The following TBCE variants were observed in gnomAD, a reference collection of about 807,000 sequenced individuals.
TBCE encodes tubulin folding cofactor E.
TBCE carries 53 observed loss-of-function variants against 77.0 expected under a neutral mutation model. The ratio of observed to expected loss-of-function variants is 0.69; its 90% CI spans 0.55 to 0.87. The LOEUF (loss-of-function observed/expected upper bound fraction) is 0.87, where lower values mean the gene tolerates loss of function less well. Among genes scored for constraint, TBCE ranks in the 40% least tolerant of loss-of-function variants. The probability of loss-of-function intolerance (pLI) is 0.00; values close to 1 mark genes in which losing one functional copy is unlikely to be tolerated. For missense variants in TBCE, 624 were observed against 622.4 expected, an observed-to-expected ratio of 1.00 and a Z score of -0.03; for synonymous variants, 235 against 241.3, an observed-to-expected ratio of 0.97 and a Z score of 0.24.
chr1:235,416,879 A>C (rs1202593706), intron 4 of TBCE, among the ~76,000 whole-genome samples: 1 of 152,204 alleles, frequency 6.6e-6, no homozygotes, highest in Non-Finnish European at 1.5e-5. Context: ...TTCAGCCGCC[A>C]GCTAAGGCAC....
chr1:235,378,059 AT>A (rs1381498612), intron 1 of TBCE, among the ~76,000 whole-genome samples: 1 of 152,182 alleles, frequency 6.6e-6, no homozygotes, highest in African/African-American at 2.4e-5. Context: ...TCAGTAATGT[AT>A]TCTAACCCCA....
chr1:235,431,729 G>A (rs1166563076), intron 7 of TBCE, among the ~76,000 whole-genome samples: 3 of 141,772 alleles, frequency 2.1e-5, no homozygotes, highest in African/African-American at 8.0e-5. Flanking sequence ...GTGGAGTGCA[G>A]TGGCGCAATC....
intron 1 of TBCE, among the ~76,000 whole-genome samples, chr1:235,370,000 C>A (rs1428604563): frequency 4.6e-5 from 7 of 152,182 alleles, no homozygotes; most frequent in African/African-American, 1.7e-4. Context: ...CTTGCTATTC[C>A]TTTCCCTCAT....
intron 2 of TBCE, among the ~76,000 whole-genome samples, chr1:235,389,502 A>G (rs1355530348): frequency 1.3e-5 from 2 of 151,928 alleles, no homozygotes; most frequent in African/African-American, 4.8e-5. Flanking sequence ...TAATTTTTGC[A>G]TGGTTTTTTT....
chr1:235,449,038 T>TTAAATAGAAAGAAACTAGC lies in TBCE; in HGVS notation c.*279_*297dup. ...TGCATTTCATGATAAGATTTAAATATTAAATAGAAAGAAACTAGCTAGCCT... is the reference window on the plus strand; with the variant it reads ...TGCATTTCATGATAAGATTTAAATATTAAATAGAAAGAAACTAGCTAAATAGAAAGAAACTAGCTAGCCT... On this transcript the variant is annotated 3_prime_UTR_variant, in exon 17 of 17. Transcript: ENST00000642610. 1 of 354,432 alleles carries TTAAATAGAAAGAAACTAGC rather than the reference T, an allele frequency of 2.8e-6. No individual in the cohort carries two copies. The highest frequency in any genetic ancestry group is 7.0e-5 in the East Asian group (1 of 14,336). The allele number at this position is 354,432 out of a possible 1,614,324, so 22.0% of individuals were successfully genotyped here. A position where few individuals can be genotyped will look rare whatever the true frequency, so the allele number is the denominator to read the frequency against.
Position 235,450,530 on chromosome 1 carries a change from A to G in TBCE, c.*1768A>G. The G allele has an allele frequency of 1.7e-6, 1 of 600,392 alleles. No individual in the cohort carries two copies. The highest frequency in any genetic ancestry group is 2.9e-6 in the Non-Finnish European group (1 of 349,038). The allele number at this position is 600,392 out of a possible 1,614,324, so 37.2% of individuals were successfully genotyped here. A position where few individuals can be genotyped will look rare whatever the true frequency, so the allele number is the denominator to read the frequency against. On this transcript the variant is annotated 3_prime_UTR_variant, in exon 17 of 17. Transcript: ENST00000642610. ...GATTTGGGAAAGCACCAGGTCCCAC[A>G]GTCCTGTGGCTGTGGAATACAGAAA...
intron 5 of TBCE, among the ~76,000 whole-genome samples, chr1:235,420,786 TG>T (rs1354731983): frequency 1.3e-5 from 2 of 152,096 alleles, no homozygotes; most frequent in Non-Finnish European, 2.9e-5. Context: ...TGGCCTCGTC[TG>T]GCTAATTTTT....
intron 7 of TBCE, among the ~76,000 whole-genome samples, chr1:235,432,044 CAT>C (rs1440378233): frequency 2.6e-5 from 4 of 151,556 alleles, no homozygotes; most frequent in African/African-American, 4.8e-5. Flanking sequence ...AGTGCAGTGG[CAT>C]GATCTCGGCT....
chr1:235,385,293 G>A lies in TBCE; in HGVS notation c.100+5144G>A, dbSNP rs1406654695. ...TGGTGCTGAAAAAAATGTATATTCT[G>A]TTGATTTGGGGTGGAGAGTTCTGTA... On this transcript the variant is annotated intron_variant, in intron 2 of 16. Coordinates refer to ENST00000642610, the MANE Select transcript of TBCE (RefSeq NM_003193.5). Among the ~76,000 whole-genome samples, 33 of 152,210 alleles carry A rather than the reference G, an allele frequency of 2.2e-4. 1 individual carries two copies. Among genetic ancestry groups the A allele is most frequent in the South Asian group, 1.0e-3 (5 of 4,818 alleles).
At chr1:235,418,610 T>C (rs994543824) in intron 4 of TBCE, 18 of 152,206 alleles carry the variant, frequency 1.2e-4, no homozygotes, top group African/African-American at 4.1e-4. Context: ...TTCTGCGTGG[T>C]TGGGAACAAT....
At chr1:235,439,357 G>A (rs377399308) in intron 13 of TBCE, among the ~76,000 whole-genome samples, 6,300 of 147,586 alleles carry the variant, frequency 0.043, 330 homozygotes, top group African/African-American at 0.1. Context: ...TGAGCCGGGC[G>A]TGGTGGCGGG....
intron 3 of TBCE, among the ~76,000 whole-genome samples, chr1:235,407,435 G>C (rs778547946): frequency 6.6e-6 from 1 of 152,140 alleles, no homozygotes. Context: ...CTGAAAGAAA[G>C]TTCATTGGCA....
chr1:235,436,327 G>T, intron 9 of TBCE, 59 bp from the exon 10 acceptor site: 1 of 1,528,834 alleles, frequency 6.5e-7, no homozygotes, highest in Non-Finnish European at 9.1e-7. Flanking sequence ...GAGTCTGGTT[G>T]ATACCCCATA....
At chr1:235,392,709 C>A (rs975822571) in intron 2 of TBCE, among the ~76,000 whole-genome samples, 1 of 151,890 alleles carries the variant, frequency 6.6e-6, no homozygotes, top group Non-Finnish European at 1.5e-5. Flanking sequence ...CCACGCCTGG[C>A]CCAGAATTGT....
At position 235,449,265 on chromosome 1, in the gene TBCE, CTTAAA is replaced by C. The variant is rs944846294; in HGVS notation, c.*508_*512del. 7.7e-5 allele frequency: 13 copies of C among 168,366 alleles called. No homozygotes were observed. The highest frequency in any genetic ancestry group is 2.9e-4 in the South Asian group (2 of 6,844). 10.4% of individuals were successfully genotyped at this position (168,366 alleles called of 1,614,324 possible). ...CTCAGTTGCACTATTTCTAAGAGTA[CTTAAA>C]TTAATCACATGCTTTTCCCTACAAT... On this transcript the variant is annotated 3_prime_UTR_variant, in exon 17 of 17. Transcript: ENST00000642610.
intron 2 of TBCE, among the ~76,000 whole-genome samples, chr1:235,383,177 C>A: frequency 2.0e-5 from 3 of 146,498 alleles, no homozygotes; most frequent in South Asian, 2.2e-4. Context: ...TGATCTATAT[C>A]TCTGTTTTGG....
At chr1:235,448,307 G>A (rs1369229042) in intron 15 of TBCE, 42 bp from the exon 16 acceptor site, 3 of 1,540,104 alleles carry the variant, frequency 1.9e-6, no homozygotes, top group African/African-American at 1.4e-5. Flanking sequence ...ACAGGTAACT[G>A]TCATTTGAGA....
At chr1:235,424,628 C>T (rs1001747053) in intron 5 of TBCE, among the ~76,000 whole-genome samples, 37 of 151,942 alleles carry the variant, frequency 2.4e-4, no homozygotes, top group African/African-American at 8.7e-4. Context: ...GCCTCAGCTT[C>T]CCGAGTAGCT....
At chr1:235,391,600 CTTT>C (rs58265980) in intron 2 of TBCE, among the ~76,000 whole-genome samples, 11 of 85,406 alleles carry the variant, frequency 1.3e-4, no homozygotes, top group African/African-American at 4.5e-4. Flanking sequence ...GCTTCATTTC[CTTT>C]TTTTTTTTTT....
Sources: gnomAD v4.1 joint callset for allele counts (sites outside exome capture counted in the v4.1 genomes callset) on GRCh38, gnomAD v4.1.1 for gene constraint, MANE v1.5 for transcripts, NCBI Gene and HGNC (gene_info 2026-07-23, HGNC 2026-07-21) for gene names.